Variants in CMIP observed in about 807,000 individuals in gnomAD.
CMIP encodes the protein C-Maf-inducing protein.
In CMIP, 13 loss-of-function variants were observed where a neutral mutation model predicts 97.3. That is an observed-to-expected ratio of 0.13 (90% CI 0.09 to 0.21). The LOEUF (loss-of-function observed/expected upper bound fraction) is 0.21. Among genes scored for constraint, CMIP ranks in the 10% least tolerant of loss-of-function variants. CMIP has a pLI of 1.00. For synonymous variants in CMIP, 538 were observed against 436.3 expected, an observed-to-expected ratio of 1.23 and a Z score of -2.91; for missense variants, 847 against 1,024.9, an observed-to-expected ratio of 0.83 and a Z score of 2.37.
chr16:81,498,346 G>A (rs952683541), intron 1 of CMIP, among the ~76,000 whole-genome samples: 3 of 152,204 alleles, frequency 2.0e-5, no homozygotes, highest in Non-Finnish European at 2.9e-5. Context: ...TCCTGAGGAC[G>A]GTCCAGTGCC....
chr16:81,583,958 A>G (rs1185953090), intron 1 of CMIP, among the ~76,000 whole-genome samples: 1 of 152,180 alleles, frequency 6.6e-6, no homozygotes. Flanking sequence ...AAGCCTTTGG[A>G]ATATTCCAGA....
intron 10 of CMIP, among the ~76,000 whole-genome samples, chr16:81,679,275 GTGTT>G (rs1011709952): frequency 2.0e-5 from 3 of 152,126 alleles, no homozygotes; most frequent in Non-Finnish European, 4.4e-5. Flanking sequence ...GTGTGTGTGT[GTGTT>G]AAATGCACAG....
chr16:81,605,392 C>A (rs778678334), intron 1 of CMIP, among the ~76,000 whole-genome samples: 5 of 152,082 alleles, frequency 3.3e-5, no homozygotes, highest in Non-Finnish European at 7.4e-5. Flanking sequence ...TCCAGGCAGC[C>A]TTGTCGCTCA....
At chr16:81,547,198 G>T (rs1265477378) in intron 1 of CMIP, among the ~76,000 whole-genome samples, 3 of 152,140 alleles carry the variant, frequency 2.0e-5, no homozygotes, top group African/African-American at 4.8e-5. Flanking sequence ...CTGGTAGAGG[G>T]AAGCACATAT....
chr16:81,459,720 T>TG (rs1331826059), intron 1 of CMIP, among the ~76,000 whole-genome samples: 1 of 152,194 alleles, frequency 6.6e-6, no homozygotes, highest in Non-Finnish European at 1.5e-5. Flanking sequence ...TCCAGGGGTG[T>TG]GCTCTCTGGA....
rs1012969052 is a variant in CMIP, at chr16:81,538,659, T to G, written c.301-68908T>G. On this transcript the variant is annotated intron_variant, in intron 1 of 20. Coordinates refer to ENST00000537098, the MANE Select transcript of CMIP (RefSeq NM_198390.3). ...AATTTTGGGGTGGTGATCTATCCTCTGCCATTTAAGCCAAGTCACACTGAT... is the reference window on the plus strand; with the variant it reads ...AATTTTGGGGTGGTGATCTATCCTCGGCCATTTAAGCCAAGTCACACTGAT... 1.7e-4 allele frequency among the ~76,000 whole-genome samples: 26 copies of G among 152,328 alleles called. 1 individual carries two copies. The highest frequency in any genetic ancestry group is 1.1e-3 in the Admixed American group (17 of 15,302).
intron 2 of CMIP, among the ~76,000 whole-genome samples, chr16:81,610,905 G>A (rs1481928851): frequency 1.3e-5 from 2 of 152,158 alleles, no homozygotes; most frequent in African/African-American, 4.8e-5. Context: ...GAGCCGTGGT[G>A]TCACAGAGAA....
At chr16:81,465,633 T>A (rs1907157037) in intron 1 of CMIP, among the ~76,000 whole-genome samples, 1 of 152,208 alleles carries the variant, frequency 6.6e-6, no homozygotes, top group East Asian at 1.9e-4. Flanking sequence ...TGAGAGAAAT[T>A]CCCCAGCGAG....
At chr16:81,451,306 T>A (rs948287628) in intron 1 of CMIP, among the ~76,000 whole-genome samples, 1 of 152,102 alleles carries the variant, frequency 6.6e-6, no homozygotes, top group Non-Finnish European at 1.5e-5. Context: ...GCTCTTTCAT[T>A]CTCCTCTTGT....
At chr16:81,656,635 A>G (rs1005679596) in intron 4 of CMIP, among the ~76,000 whole-genome samples, 2 of 152,200 alleles carry the variant, frequency 1.3e-5, no homozygotes, top group Admixed American at 6.5e-5. Flanking sequence ...GAAATGCTCC[A>G]AAGTCCAAAA....
chr16:81,696,497 C>G, intron 13 of CMIP, 63 bp from the exon 14 acceptor site: 3 of 1,491,376 alleles, frequency 2.0e-6, no homozygotes, highest in Non-Finnish European at 2.7e-6. Context: ...GTGTGCAGAT[C>G]ATGGTCGCCC....
intron 1 of CMIP, among the ~76,000 whole-genome samples, chr16:81,471,486 A>C (rs781088451): frequency 3.9e-4 from 60 of 152,220 alleles, no homozygotes; most frequent in Non-Finnish European, 4.0e-4. Context: ...ATGCACACAG[A>C]TACATAGGCA....
chr16:81,705,379 TG>T, intron 18 of CMIP, 119 bp from the exon 19 acceptor site: 1 of 675,068 alleles, frequency 1.5e-6, no homozygotes, highest in Non-Finnish European at 2.5e-6. Context: ...CAGGGCTTGG[TG>T]GGCCATGGGC....
chr16:81,689,881 A>C (rs1480230903), intron 10 of CMIP, among the ~76,000 whole-genome samples: 1 of 152,238 alleles, frequency 6.6e-6, no homozygotes, highest in Non-Finnish European at 1.5e-5. Context: ...ATGGCTAGCC[A>C]GTTTTCCCAG....
intron 3 of CMIP, among the ~76,000 whole-genome samples, chr16:81,638,757 A>G (rs1324824113): frequency 6.6e-6 from 1 of 152,006 alleles, no homozygotes; most frequent in Non-Finnish European, 1.5e-5. Flanking sequence ...TCCTGTGGGA[A>G]TGAGGGAGGT....
At chr16:81,541,700 ATGT>A (rs1339800507) in intron 1 of CMIP, among the ~76,000 whole-genome samples, 1 of 152,154 alleles carries the variant, frequency 6.6e-6, no homozygotes, top group Non-Finnish European at 1.5e-5. Context: ...AAAACAACCG[ATGT>A]TGTGGGTGAG....
At chr16:81,677,427 G>A (rs1361450337) in intron 9 of CMIP, among the ~76,000 whole-genome samples, 2 of 152,180 alleles carry the variant, frequency 1.3e-5, no homozygotes, top group African/African-American at 4.8e-5. Context: ...ACTGCACTTA[G>A]CACCTTGCCG....
At chr16:81,665,117 G>C (rs1053321766) in intron 7 of CMIP, 4 of 152,156 alleles carry the variant, frequency 2.6e-5, no homozygotes, top group African/African-American at 9.7e-5. Flanking sequence ...GGAAAACTGA[G>C]GAAATCTGAA....
intron 1 of CMIP, among the ~76,000 whole-genome samples, chr16:81,546,244 G>C (rs1487972935): frequency 6.6e-6 from 1 of 152,208 alleles, no homozygotes; most frequent in Non-Finnish European, 1.5e-5. Flanking sequence ...AGAGAAGACA[G>C]ACTTGCCCTA....
Sources: allele counts gnomAD v4.1 joint callset (sites outside exome capture counted in the v4.1 genomes callset), GRCh38; gene constraint gnomAD v4.1.1; transcripts MANE v1.5; gene names NCBI Gene and HGNC (gene_info 2026-07-23, HGNC 2026-07-21).